Variants in GPC6 observed in about 807,000 individuals in gnomAD.
GPC6 encodes the protein glypican 6, also known as glypican-6.
A neutral mutation model predicts 55.2 loss-of-function variants in GPC6; 14 were observed. That is an observed-to-expected ratio of 0.25 (90% CI 0.17 to 0.40). The LOEUF (loss-of-function observed/expected upper bound fraction) is 0.40. GPC6 is among the 10% of genes least tolerant of loss of function. The probability of loss-of-function intolerance (pLI) is 1.00; values close to 1 mark genes in which losing one functional copy is unlikely to be tolerated. For synonymous variants in GPC6, 278 were observed against 259.6 expected (o/e 1.07, Z -0.68); for missense variants, 641 against 708.5 (o/e 0.90, Z 1.08).
intron 2 of GPC6, among the ~76,000 whole-genome samples, chr13:93,554,706 G>T (rs1875361894): frequency 6.6e-6 from 1 of 152,168 alleles, no homozygotes; most frequent in Non-Finnish European, 1.5e-5. Flanking sequence ...TAAAAAAAGA[G>T]GTAGCTGGCC....
chr13:94,170,319 A>G (rs1184055682), intron 4 of GPC6, among the ~76,000 whole-genome samples: 1 of 152,182 alleles, frequency 6.6e-6, no homozygotes, highest in Admixed American at 6.5e-5. Context: ...CACTAATTTC[A>G]TTGAAATGGC....
At chr13:93,351,086 T>C (rs141726785) in intron 1 of GPC6, among the ~76,000 whole-genome samples, 1 of 152,176 alleles carries the variant, frequency 6.6e-6, no homozygotes, top group African/African-American at 2.4e-5. Context: ...ATGGACAGAA[T>C]TGGATACAGA....
intron 6 of GPC6, among the ~76,000 whole-genome samples, chr13:94,326,256 T>C (rs1877112279): frequency 1.3e-5 from 2 of 149,858 alleles, no homozygotes; most frequent in African/African-American, 2.5e-5. Context: ...TATTCCAAAA[T>C]AGAGAATTAT....
intron 2 of GPC6, among the ~76,000 whole-genome samples, chr13:93,688,656 AG>A (rs1490525075): frequency 6.6e-6 from 1 of 152,098 alleles, no homozygotes; most frequent in African/African-American, 2.4e-5. Context: ...ATTTAATGAA[AG>A]AAGACAGGCA....
intron 2 of GPC6, among the ~76,000 whole-genome samples, chr13:93,672,148 G>GTTTTTTT (rs5805816): frequency 7.5e-6 from 1 of 134,118 alleles, no homozygotes; most frequent in Non-Finnish European, 1.6e-5. Flanking sequence ...TAAGTTCTGG[G>GTTTTTTT]TTTTTTTTTT....
chr13:93,901,859 C>CCA (rs1465182196), intron 3 of GPC6, among the ~76,000 whole-genome samples: 4 of 148,976 alleles, frequency 2.7e-5, no homozygotes, highest in Non-Finnish European at 5.9e-5. Context: ...TGAGATCACG[C>CCA]CACTGCACTC....
intron 1 of GPC6, among the ~76,000 whole-genome samples, chr13:93,439,434 C>T (rs61964180): frequency 0.21 from 32,146 of 151,902 alleles, 3,569 homozygotes; most frequent in Middle Eastern, 0.28. Context: ...GGGGAGTTTC[C>T]CTGTGCAAGT....
chr13:94,146,670 A>T (rs1017754102), intron 4 of GPC6, among the ~76,000 whole-genome samples: 1 of 152,130 alleles, frequency 6.6e-6, no homozygotes, highest in Non-Finnish European at 1.5e-5. Context: ...TTGATGACAT[A>T]CCTCACAAGA....
chr13:94,098,123 G>C (rs1402211342), intron 4 of GPC6, among the ~76,000 whole-genome samples: 3 of 152,130 alleles, frequency 2.0e-5, no homozygotes, highest in Non-Finnish European at 4.4e-5. Context: ...CAGACATGCT[G>C]CTTATTAAGA....
At chr13:93,964,585 A>C (rs986332800) in intron 3 of GPC6, among the ~76,000 whole-genome samples, 6 of 152,214 alleles carry the variant, frequency 3.9e-5, no homozygotes, top group African/African-American at 1.4e-4. Flanking sequence ...ATTTTAAAAG[A>C]ATAATGGGAT....
chr13:94,345,377 A>G, intron 6 of GPC6, among the ~76,000 whole-genome samples: 1 of 152,210 alleles, frequency 6.6e-6, no homozygotes, highest in Non-Finnish European at 1.5e-5. Context: ...AAAAAGTCAT[A>G]CTTACTTTGC....
intron 8 of GPC6, among the ~76,000 whole-genome samples, chr13:94,399,563 T>C (rs1049510647): frequency 1.3e-5 from 2 of 152,236 alleles, no homozygotes; most frequent in African/African-American, 4.8e-5. Context: ...ATTTGGTCAC[T>C]GAATCATAAG....
intron 1 of GPC6, among the ~76,000 whole-genome samples, chr13:93,440,895 C>G (rs1306661752): frequency 1.4e-5 from 2 of 146,900 alleles, no homozygotes; most frequent in Non-Finnish European, 3.0e-5. Flanking sequence ...CACCCCATGT[C>G]CAAGTGTTCT....
At chr13:93,571,462 T>A (rs1215723387) in intron 2 of GPC6, among the ~76,000 whole-genome samples, 1 of 152,154 alleles carries the variant, frequency 6.6e-6, no homozygotes, top group Non-Finnish European at 1.5e-5. Flanking sequence ...ATCAGGAATT[T>A]GTTTTATATA....
intron 2 of GPC6, among the ~76,000 whole-genome samples, chr13:93,828,924 T>C (rs1213041918): frequency 6.6e-6 from 1 of 152,188 alleles, no homozygotes; most frequent in African/African-American, 2.4e-5. Context: ...CACAAGTAGC[T>C]TCCATGGAAT....
At chr13:94,375,221 C>G (rs879502315) in intron 6 of GPC6, among the ~76,000 whole-genome samples, 2 of 151,656 alleles carry the variant, frequency 1.3e-5, no homozygotes, top group Non-Finnish European at 2.9e-5. Flanking sequence ...CAGAGCAGAA[C>G]TGAAGGAAAT....
chr13:93,931,253 T>C (rs916275240), intron 3 of GPC6, among the ~76,000 whole-genome samples: 1 of 151,878 alleles, frequency 6.6e-6, no homozygotes. Flanking sequence ...GGGAGACTGG[T>C]GATCAGAAAC....
intron 6 of GPC6, among the ~76,000 whole-genome samples, chr13:94,348,190 G>A (rs1878377344): frequency 6.6e-6 from 1 of 152,198 alleles, no homozygotes; most frequent in Non-Finnish European, 1.5e-5. Context: ...CTTTCTAAAA[G>A]AGTATATGGT....
intron 3 of GPC6, among the ~76,000 whole-genome samples, chr13:93,844,364 C>G (rs1410388042): frequency 3.3e-5 from 5 of 152,148 alleles, no homozygotes; most frequent in African/African-American, 1.2e-4. Flanking sequence ...GTCTCGATCT[C>G]TTGACCTCAT....
Sources: gnomAD v4.1 joint callset for allele counts (sites outside exome capture counted in the v4.1 genomes callset) on GRCh38, gnomAD v4.1.1 for gene constraint, MANE v1.5 for transcripts, NCBI Gene and HGNC (gene_info 2026-07-23, HGNC 2026-07-21) for gene names.